CNTN2: variants seen among roughly 807,000 people sequenced by gnomAD.
CNTN2 encodes the protein contactin 2.
In CNTN2, 53 loss-of-function variants were observed where a neutral mutation model predicts 117.5. That is an observed-to-expected ratio of 0.45 (90% confidence interval 0.36 to 0.57). CNTN2 has a LOEUF of 0.57. Among genes scored for constraint, CNTN2 ranks in the 20% least tolerant of loss-of-function variants. CNTN2 has a pLI of 0.00. For synonymous variants in CNTN2, 530 were observed against 561.7 expected, an observed-to-expected ratio of 0.94 and a Z score of 0.80; for missense variants, 1,106 against 1,404.3, an observed-to-expected ratio of 0.79 and a Z score of 3.39.
At chr1:205,053,365 G>A (rs939894720) in intron 2 of CNTN2, 110 bp downstream of exon 2, 1 of 866,472 alleles carries the variant, frequency 1.2e-6, no homozygotes, top group Non-Finnish European at 1.7e-6. Context: ...CATTGTGGGA[G>A]CAGCTAGATT....
Position 205,053,096 on chromosome 1 carries a change from C to A in CNTN2, c.-86-4C>A. The A allele has an allele frequency of 1.0e-6, 1 of 971,322 alleles. No individual in the cohort carries two copies. The highest frequency in any genetic ancestry group is 1.8e-5 in the South Asian group (1 of 56,930). 60.2% of individuals were successfully genotyped at this position (971,322 alleles called of 1,614,324 possible). ...AGAGCCCTCCTTTCTGTCTGCCTCCCCAGGTCCTTTCTCAGCCTCCAGCTG... is the reference window on the plus strand; with the variant it reads ...AGAGCCCTCCTTTCTGTCTGCCTCCACAGGTCCTTTCTCAGCCTCCAGCTG... On this transcript the variant is annotated splice_region_variant and splice_polypyrimidine_tract_variant and intron_variant, in intron 1 of 22. Coordinates refer to ENST00000331830, the MANE Select transcript of CNTN2 (RefSeq NM_005076.5).
rs748381947 is a variant in CNTN2 at position 205,064,371 on chromosome 1, G to T, written c.1290G>T (p.Ala430=). The change falls in exon 11 of 23, where the codon GCG becomes GCT. Residue 430 remains alanine (A), a synonymous_variant. Coordinates refer to ENST00000331830, the MANE Select transcript of CNTN2 (RefSeq NM_005076.5). The part of the protein sequence containing the change: ...RLNPVRRLIP[A]ARGGEILIPC... ...ATCCCGTGAGGCGTCTGATCCCCGC[G>T]GCCCGCGGGGGAGAGATCCTTATCC... The T allele has an allele frequency of 1.2e-6, 2 of 1,606,534 alleles. No homozygotes were observed. Among genetic ancestry groups the T allele is most frequent in the African/African-American group, 1.3e-5 (1 of 74,856 alleles).
chr1:205,077,756 G>C lies in CNTN2; in HGVS notation c.*3991G>C, dbSNP rs902199483. ...CTATGACACTTAGTGCCCTTAGATG[G>C]GATACATCTTGCCTCGGCCCCAAGA... On this transcript the variant is annotated 3_prime_UTR_variant, in exon 23 of 23. Coordinates refer to ENST00000331830, the MANE Select transcript of CNTN2 (RefSeq NM_005076.5). 1.3e-5 allele frequency: 2 copies of C among 152,304 alleles called. No individual in the cohort carries two copies. Among genetic ancestry groups the C allele is most frequent in the Admixed American group, 6.5e-5 (1 of 15,302 alleles). The allele number at this position is 152,304 out of a possible 1,614,324, so 9.4% of individuals were successfully genotyped here.
chr1:205,064,448 C>T lies in CNTN2; in HGVS notation c.1367C>T (p.Thr456Met), dbSNP rs770143299. 400 of 1,610,842 alleles carry T rather than the reference C, an allele frequency of 2.5e-4. No homozygotes were observed. Among genetic ancestry groups the T allele is most frequent in the Non-Finnish European group, 3.3e-4 (383 of 1,177,428 alleles). The change falls in exon 11 of 23, where the codon ACG (threonine) becomes ATG (methionine). Residue 456 changes from threonine (T) to methionine (M), a missense_variant. Physicochemically the swap from Thr to Met is moderately conservative, Grantham distance 81. Coordinates refer to ENST00000331830, the MANE Select transcript of CNTN2 (RefSeq NM_005076.5). ...PKAVVLWSKG[T>M]EILVNSSRVT... ...GCCGTGGTGCTCTGGAGCAAAGGCACGGAGATTTTGGTCAACAGCAGCAGG... is the reference window on the plus strand; with the variant it reads ...GCCGTGGTGCTCTGGAGCAAAGGCATGGAGATTTTGGTCAACAGCAGCAGG...
rs1207080805 is a variant in CNTN2 at position 205,067,161 on chromosome 1, T to C, written c.2036T>C (p.Met679Thr). The change falls in exon 16 of 23, where the codon ATG (methionine) becomes ACG (threonine). Residue 679 changes from methionine to threonine, a missense_variant. By Grantham distance (81) the Met-to-Thr change is moderately conservative. Transcript: ENST00000331830. The stretch of plus-strand genomic sequence containing the variant: ...CAGGTGCTGGGCCTCACCCCCTGGA[T>C]GGACTATGAGTTCCGGGTCATAGCC... Reference protein sequence around the residue: ...TAQVLGLTPWMDYEFRVIASN... With the variant: ...TAQVLGLTPWTDYEFRVIASN... 1 of 1,614,098 alleles carries C rather than the reference T, an allele frequency of 6.2e-7. No individual in the cohort carries two copies. Among genetic ancestry groups the C allele is most frequent in the Admixed American group, 1.7e-5 (1 of 60,016 alleles).
intron 2 of CNTN2, among the ~76,000 whole-genome samples, chr1:205,055,621 C>A (rs963066926): frequency 5.3e-5 from 8 of 152,164 alleles, no homozygotes; most frequent in African/African-American, 1.4e-4. Context: ...TGAGATGGAG[C>A]AGGGCCTCTG....
At chr1:205,071,007 A>G (rs1055109772) in intron 19 of CNTN2, among the ~76,000 whole-genome samples, 1 of 151,628 alleles carries the variant, frequency 6.6e-6, no homozygotes, top group African/African-American at 2.4e-5. Flanking sequence ...AAAAAAAAAA[A>G]AAAAAGACCC....
At chr1:205,057,791 C>T in intron 2 of CNTN2, 130 bp from the exon 3 acceptor site, 2 of 1,106,116 alleles carry the variant, frequency 1.8e-6, no homozygotes, top group Admixed American at 2.5e-5. Flanking sequence ...CTAGTGGTTA[C>T]CACATTGAAC....
chr1:205,059,922 A>AG lies in CNTN2; in HGVS notation c.797+242dup, dbSNP rs1653885352. On this transcript the variant is annotated intron_variant, in intron 7 of 22. Coordinates refer to ENST00000331830, the MANE Select transcript of CNTN2 (RefSeq NM_005076.5). This position sits in a 1 kb window ranked among gnomAD's most constrained non-coding sequence, Gnocchi z 5.6. ...ACTTGGTCTTCCAGCAGTGCATGGC[A>AG]GGCTCAGACAGCTTGAGTAACACCC... 8 of 533,296 alleles carry AG rather than the reference A, an allele frequency of 1.5e-5. No individual in the cohort carries two copies. Among genetic ancestry groups the AG allele is most frequent in the Admixed American group, 6.5e-5 (2 of 30,798 alleles). 33.0% of individuals were successfully genotyped at this position (533,296 alleles called of 1,614,324 possible).
At chr1:205,047,569 C>T (rs541806455) in intron 1 of CNTN2, among the ~76,000 whole-genome samples, 1 of 152,266 alleles carries the variant, frequency 6.6e-6, no homozygotes, top group African/African-American at 2.4e-5. Flanking sequence ...ATAACTCTGG[C>T]ATGGGGGCTG....
chr1:205,054,813 C>A (rs2096458461), intron 2 of CNTN2, among the ~76,000 whole-genome samples: 1 of 152,108 alleles, frequency 6.6e-6, no homozygotes, highest in South Asian at 2.1e-4. Context: ...CACTCCAGTG[C>A]AAGGAGGGGT....
Position 205,058,060 on chromosome 1 carries a change from C to G in CNTN2, c.210C>G (p.Thr70=), listed in dbSNP as rs1280005400. 3.7e-6 allele frequency: 6 copies of G among 1,613,344 alleles called. No individual in the cohort carries two copies. The highest frequency in any genetic ancestry group is 1.3e-5 in the African/African-American group (1 of 74,948). The change falls in exon 3 of 23, where the codon ACC becomes ACG. Residue 70 remains threonine, a synonymous_variant. Transcript: ENST00000331830. The surrounding 1 kb of genome is among the most constrained non-coding windows in gnomAD (Gnocchi z 4.3). ...GCGCCCGGGCCAGCCCTCCAGCCAC[C>G]TATCGGTAAGGCCTCTGCAGTGGGT... ...ACRARASPPA[T]YRWKMNGTEM...
intron 2 of CNTN2, among the ~76,000 whole-genome samples, chr1:205,056,146 G>T (rs3767295): frequency 6.6e-6 from 1 of 152,036 alleles, no homozygotes; most frequent in South Asian, 2.1e-4. Flanking sequence ...AGAGGAGAAA[G>T]GTTTCTCGGG....
At chr1:205,070,336 A>T in intron 18 of CNTN2, 90 bp from the exon 19 acceptor site, 1 of 950,216 alleles carries the variant, frequency 1.1e-6, no homozygotes, top group South Asian at 1.6e-5. Context: ...TTCCTCCAAA[A>T]TCTTAAGCAA....
Position 205,065,983 on chromosome 1 carries a change from T to C in CNTN2, c.1816+74T>C, listed in dbSNP as rs1654270311. On this transcript the variant is annotated intron_variant, in intron 14 of 22. Coordinates refer to ENST00000331830, the MANE Select transcript of CNTN2 (RefSeq NM_005076.5). This position sits in a 1 kb window ranked among gnomAD's most constrained non-coding sequence, Gnocchi z 4.1. Reference sequence around the variant, plus strand: ...GCTGGGCTGTTCTGACCTGCTCGCCTCATCTCCCCTCCCTTCCCTCAAAGC... The same window carrying C: ...GCTGGGCTGTTCTGACCTGCTCGCCCCATCTCCCCTCCCTTCCCTCAAAGC... 6.0e-6 allele frequency: 9 copies of C among 1,504,486 alleles called. No individual in the cohort carries two copies. In the South Asian group the frequency reaches 1.1e-4, roughly 18 times the overall value. 93.2% of individuals were successfully genotyped at this position (1,504,486 alleles called of 1,614,324 possible).
In CNTN2 at chr1:205,059,790, G is replaced by C. The variant is rs1653879451; in HGVS notation, c.797+108G>C. 3.5e-6 allele frequency: 3 copies of C among 863,040 alleles called. No individual in the cohort carries two copies. The South Asian group carries it at 4.3e-5, about 12-fold the overall frequency. 53.5% of individuals were successfully genotyped at this position (863,040 alleles called of 1,614,324 possible). On this transcript the variant is annotated intron_variant, in intron 7 of 22. Coordinates refer to ENST00000331830, the MANE Select transcript of CNTN2 (RefSeq NM_005076.5). This position sits in a 1 kb window ranked among gnomAD's most constrained non-coding sequence, Gnocchi z 5.6. ...GCTCTTATCTTGGTGTCCCTCACAGGGTCTAGCAAAGTACTGGGCACACAG... is the reference window on the plus strand; with the variant it reads ...GCTCTTATCTTGGTGTCCCTCACAGCGTCTAGCAAAGTACTGGGCACACAG...
At chr1:205,063,665 A>AAAAGAAAGAAAG (rs4017876) in intron 10 of CNTN2, 6 of 147,928 alleles carry the variant, frequency 4.1e-5, no homozygotes, top group African/African-American at 1.5e-4. Flanking sequence ...AAAGAAAAGA[A>AAAAGAAAGAAAG]AAAGAAAGAA....
At position 205,073,410 on chromosome 1, in the gene CNTN2, C is replaced by T; in HGVS notation, c.3013+174C>T. On this transcript the variant is annotated intron_variant, in intron 22 of 22. Coordinates refer to ENST00000331830, the MANE Select transcript of CNTN2 (RefSeq NM_005076.5). This position sits in a 1 kb window ranked among gnomAD's most constrained non-coding sequence, Gnocchi z 6.3. ...AACTGCCTCGCCGCCACCTTTCTAC[C>T]CAGCCCCCAGAACATCCCCGAGGGC... The T allele has an allele frequency of 1.2e-6, 1 of 858,688 alleles. No individual in the cohort carries two copies. The highest frequency in any genetic ancestry group is 1.8e-6 in the Non-Finnish European group (1 of 567,494). 53.2% of individuals were successfully genotyped at this position (858,688 alleles called of 1,614,324 possible).
chr1:205,047,570 A>T (rs3753854), intron 1 of CNTN2, among the ~76,000 whole-genome samples: 2 of 151,982 alleles, frequency 1.3e-5, no homozygotes, highest in Non-Finnish European at 2.9e-5. Context: ...TAACTCTGGC[A>T]TGGGGGCTGT....
Sources: allele counts gnomAD v4.1 joint callset (sites outside exome capture counted in the v4.1 genomes callset), GRCh38; gene constraint gnomAD v4.1.1; non-coding constraint Gnocchi (gnomAD v3.1); transcripts MANE v1.5; gene names NCBI Gene and HGNC (gene_info 2026-07-23, HGNC 2026-07-21).